Variants in RPS6KC1 observed in about 807,000 individuals in gnomAD.
The protein encoded by RPS6KC1 is ribosomal protein S6 kinase C1, also known as inactive ribosomal protein S6 kinase delta-1.
In RPS6KC1, 54 loss-of-function variants were observed where a neutral mutation model predicts 103.8. The ratio of observed to expected loss-of-function variants is 0.52; its 90% confidence interval spans 0.42 to 0.65. The LOEUF (loss-of-function observed/expected upper bound fraction) is 0.65, where lower values mean the gene tolerates loss of function less well. Ranked by LOEUF, RPS6KC1 falls within the 30% of genes least tolerant of loss-of-function variation. The pLI, the probability that RPS6KC1 is intolerant of heterozygous loss-of-function variation, is 0.00. For missense variants in RPS6KC1, 1,151 were observed against 1,253.8 expected (o/e 0.92, Z 1.24); for synonymous variants, 439 against 438.7 (o/e 1.00, Z -0.01).
chr1:213,123,334 T>C (rs542740716), intron 5 of RPS6KC1, among the ~76,000 whole-genome samples: 10 of 152,068 alleles, frequency 6.6e-5, no homozygotes, highest in Non-Finnish European at 1.3e-4. Context: ...AGCCAAGTGA[T>C]GGATCTTTAT....
chr1:213,574,277 C>G, the RPS6KC1 span, among the ~76,000 whole-genome samples: 1 of 152,152 alleles, frequency 6.6e-6, no homozygotes, highest in Non-Finnish European at 1.5e-5. Flanking sequence ...CCTTCTTTCT[C>G]TCCCTCCTTC....
At chr1:213,424,800 G>C in the RPS6KC1 span, among the ~76,000 whole-genome samples, 2 of 152,236 alleles carry the variant, frequency 1.3e-5, no homozygotes, top group African/African-American at 2.4e-5. Context: ...ATGAGGTGTA[G>C]CAGCCCCTTC....
the RPS6KC1 span, among the ~76,000 whole-genome samples, chr1:213,598,427 T>A: frequency 6.6e-6 from 1 of 152,300 alleles, no homozygotes; most frequent in African/African-American, 2.4e-5. Flanking sequence ...CAGCTCTGCT[T>A]ATCTATGTGA....
chr1:213,296,564 C>G, the RPS6KC1 span, among the ~76,000 whole-genome samples: 1 of 152,162 alleles, frequency 6.6e-6, no homozygotes, highest in East Asian at 1.9e-4. Context: ...GATAATCAGC[C>G]AGAGCATTAT....
At chr1:213,152,565 T>G (rs1265994202) in intron 6 of RPS6KC1, among the ~76,000 whole-genome samples, 1 of 129,248 alleles carries the variant, frequency 7.7e-6, no homozygotes, top group Non-Finnish European at 1.6e-5. Flanking sequence ...CCAGACGGGG[T>G]TGCCGCCGGG....
the RPS6KC1 span, among the ~76,000 whole-genome samples, chr1:213,802,528 C>T: frequency 6.6e-6 from 1 of 152,192 alleles, no homozygotes; most frequent in South Asian, 2.1e-4. Flanking sequence ...TGAACACTCA[C>T]CTTTCTGGCT....
chr1:213,597,631 C>T, the RPS6KC1 span, among the ~76,000 whole-genome samples: 1 of 152,188 alleles, frequency 6.6e-6, no homozygotes, highest in African/African-American at 2.4e-5. Flanking sequence ...GGCTTCATGA[C>T]TAAGTCACTC....
At chr1:213,067,439 T>C (rs1245565172) in intron 1 of RPS6KC1, among the ~76,000 whole-genome samples, 2 of 152,170 alleles carry the variant, frequency 1.3e-5, no homozygotes, top group Non-Finnish European at 2.9e-5. Context: ...CGTGGGACCA[T>C]TGGGTCAGTT....
At chr1:213,071,141 T>C (rs1184922872) in intron 2 of RPS6KC1, 100 bp downstream of exon 2, 2 of 671,146 alleles carry the variant, frequency 3.0e-6, no homozygotes, top group African/African-American at 1.9e-5. Flanking sequence ...TCAACCTCTT[T>C]TTTTTGAGAC....
chr1:213,155,156 T>C (rs1267210416), intron 6 of RPS6KC1, among the ~76,000 whole-genome samples: 1 of 152,060 alleles, frequency 6.6e-6, no homozygotes, highest in Non-Finnish European at 1.5e-5. Context: ...CACTTTCCTC[T>C]CCTTTCCTCA....
At chr1:213,253,829 A>G (rs1349455465) in intron 12 of RPS6KC1, among the ~76,000 whole-genome samples, 1 of 152,024 alleles carries the variant, frequency 6.6e-6, no homozygotes, top group African/African-American at 2.4e-5. Flanking sequence ...GTTGAGTCCA[A>G]GCTTTCTGCT....
rs572770495 is a variant in RPS6KC1 at position 213,235,736 on chromosome 1, G to A, written c.1225+3481G>A. Among the ~76,000 whole-genome samples, 10 of 152,132 alleles carry A rather than the reference G, an allele frequency of 6.6e-5. 1 individual carries two copies. The highest frequency in any genetic ancestry group is 9.7e-5 in the African/African-American group (4 of 41,414). On this transcript the variant is annotated intron_variant, in intron 10 of 14. Transcript: ENST00000366960. Reference sequence around the variant, plus strand: ...GAGGCAGGCAGGCAGATCCTGTATAGCATTGTAGGCCACGTTAAGAACTGG... The same window carrying A: ...GAGGCAGGCAGGCAGATCCTGTATAACATTGTAGGCCACGTTAAGAACTGG...
At chr1:213,178,753 T>G (rs2092062338) in intron 8 of RPS6KC1, among the ~76,000 whole-genome samples, 1 of 152,040 alleles carries the variant, frequency 6.6e-6, no homozygotes, top group Non-Finnish European at 1.5e-5. Context: ...CTCATTCTGT[T>G]GCCCAGGCTG....
chr1:213,113,825 C>A (rs2083286588), intron 4 of RPS6KC1, among the ~76,000 whole-genome samples: 1 of 152,004 alleles, frequency 6.6e-6, no homozygotes, highest in African/African-American at 2.4e-5. Context: ...GAATCCTTTC[C>A]CCGTTGCTTG....
chr1:213,793,397 G>A, the RPS6KC1 span, among the ~76,000 whole-genome samples: 1 of 152,148 alleles, frequency 6.6e-6, no homozygotes, highest in Non-Finnish European at 1.5e-5. Flanking sequence ...GCTCCCACAT[G>A]AGGCCCAATT....
the RPS6KC1 span, among the ~76,000 whole-genome samples, chr1:213,330,434 CA>C: frequency 6.6e-6 from 1 of 152,182 alleles, no homozygotes; most frequent in African/African-American, 2.4e-5. Flanking sequence ...AGTGCTGAGA[CA>C]GGTGACTGGA....
At chr1:213,749,651 C>T in the RPS6KC1 span, among the ~76,000 whole-genome samples, 1 of 152,144 alleles carries the variant, frequency 6.6e-6, no homozygotes, top group Non-Finnish European at 1.5e-5. Flanking sequence ...CGGGGAGCAC[C>T]TCCCACCTCC....
the RPS6KC1 span, among the ~76,000 whole-genome samples, chr1:213,834,522 G>T: frequency 6.6e-6 from 1 of 151,994 alleles, no homozygotes; most frequent in South Asian, 2.1e-4. Context: ...ATTCATCTAG[G>T]TATCTCTCTA....
chr1:213,682,821 C>T, the RPS6KC1 span, among the ~76,000 whole-genome samples: 1 of 152,162 alleles, frequency 6.6e-6, no homozygotes, highest in African/African-American at 2.4e-5. Context: ...CCCAGGATAA[C>T]CACTGTTCAC....
Sources: gnomAD v4.1 joint callset for allele counts (sites outside exome capture counted in the v4.1 genomes callset) on GRCh38, gnomAD v4.1.1 for gene constraint, MANE v1.5 for transcripts, NCBI Gene and HGNC (gene_info 2026-07-23, HGNC 2026-07-21) for gene names.